Variants in VTI1A observed in about 807,000 individuals in gnomAD.
VTI1A encodes vesicle transport through interaction with t-SNAREs homolog 1A.
A neutral mutation model predicts 34.9 loss-of-function variants in VTI1A; 22 were observed. The ratio of observed to expected loss-of-function variants is 0.63; its 90% CI spans 0.45 to 0.90. VTI1A has a LOEUF of 0.90. Among genes scored for constraint, VTI1A ranks in the 40% least tolerant of loss-of-function variants. VTI1A has a pLI of 0.00. For synonymous variants in VTI1A, 87 were observed against 97.3 expected (o/e 0.89, Z 0.62); for missense variants, 268 against 275.6 (o/e 0.97, Z 0.20).
intron 3 of VTI1A, among the ~76,000 whole-genome samples, chr10:112,498,751 T>G (rs966519966): frequency 5.3e-4 from 80 of 152,344 alleles, no homozygotes; most frequent in South Asian, 2.7e-3. Flanking sequence ...ACCATTTTTT[T>G]TTTGTTTGTT....
downstream of VTI1A, among the ~76,000 whole-genome samples, chr10:112,821,395 C>T (rs1564939770): frequency 6.6e-6 from 1 of 152,318 alleles, no homozygotes; most frequent in Non-Finnish European, 1.5e-5. Flanking sequence ...AGCCCAGGCC[C>T]TCTCCAGCTC....
Position 112,499,966 on chromosome 10 carries a change from C to A in VTI1A, c.265-27121C>A, listed in dbSNP as rs141434318. Among the ~76,000 whole-genome samples, 15 of 152,300 alleles carry A rather than the reference C, an allele frequency of 9.8e-5. No individual in the cohort carries two copies. In the East Asian group the frequency reaches 2.3e-3, roughly 23 times the overall value. On this transcript the variant is annotated intron_variant, in intron 3 of 7. Coordinates refer to ENST00000393077, the MANE Select transcript of VTI1A (RefSeq NM_145206.4). ...TCTGTCTTCAGTCAAGTCCTCCTGT[C>A]TGTTTTCCACTTTGAGTTGAGAGGA...
At chr10:112,733,470 G>A (rs1850341448) in intron 7 of VTI1A, among the ~76,000 whole-genome samples, 1 of 152,068 alleles carries the variant, frequency 6.6e-6, no homozygotes, top group African/African-American at 2.4e-5. Context: ...GTGACCTTTT[G>A]TGACTGGCTT....
At chr10:112,656,330 C>A (rs1037477914) in intron 5 of VTI1A, among the ~76,000 whole-genome samples, 2 of 150,424 alleles carry the variant, frequency 1.3e-5, no homozygotes, top group African/African-American at 4.9e-5. Flanking sequence ...GAAGAAATAA[C>A]ATTTTGTTGA....
At position 112,785,885 on chromosome 10, in the gene VTI1A, A is replaced by C. The variant is rs143951111; in HGVS notation, c.561-29405A>C. Reference sequence around the variant, plus strand: ...TTACAGTAGCTTCATAGTAAGTTTGAAGTCAGGTGGTATAAGTCTTCCAAC... The same window carrying C: ...TTACAGTAGCTTCATAGTAAGTTTGCAGTCAGGTGGTATAAGTCTTCCAAC... On this transcript the variant is annotated intron_variant, in intron 7 of 7. Transcript: ENST00000393077. Among the ~76,000 whole-genome samples the C allele has an allele frequency of 3.5e-3, 529 of 152,300 alleles. 3 individuals are homozygous for C. Among genetic ancestry groups the C allele is most frequent in the African/African-American group, 0.012 (490 of 41,560 alleles).
chr10:112,723,375 G>A (rs1267115891), intron 7 of VTI1A, among the ~76,000 whole-genome samples: 2 of 152,186 alleles, frequency 1.3e-5, no homozygotes, highest in Admixed American at 6.5e-5. Flanking sequence ...CCGATGAAGT[G>A]GAATGTTTTG....
chr10:112,842,303 C>T, the VTI1A span, among the ~76,000 whole-genome samples: 1 of 152,160 alleles, frequency 6.6e-6, no homozygotes, highest in Non-Finnish European at 1.5e-5. Flanking sequence ...CTGCTTCCCC[C>T]ATCCTGGGGA....
intron 7 of VTI1A, among the ~76,000 whole-genome samples, chr10:112,807,326 C>T (rs778251570): frequency 6.6e-5 from 10 of 152,136 alleles, no homozygotes; most frequent in Non-Finnish European, 1.2e-4. Context: ...CTCATAGTTG[C>T]GAAGACTAGA....
intron 2 of VTI1A, among the ~76,000 whole-genome samples, chr10:112,460,818 G>A (rs989421567): frequency 1.3e-5 from 2 of 152,046 alleles, no homozygotes; most frequent in Non-Finnish European, 1.5e-5. Context: ...ATCATAATAC[G>A]TTTCATAACA....
At chr10:112,627,952 G>A (rs1845985857) in intron 5 of VTI1A, among the ~76,000 whole-genome samples, 1 of 152,186 alleles carries the variant, frequency 6.6e-6, no homozygotes, top group South Asian at 2.1e-4. Context: ...GGGATATTTA[G>A]GCAGAGAACA....
intron 3 of VTI1A, among the ~76,000 whole-genome samples, chr10:112,475,832 T>G (rs1848257747): frequency 6.6e-6 from 1 of 152,182 alleles, no homozygotes; most frequent in Non-Finnish European, 1.5e-5. Flanking sequence ...AGAGTGCCAT[T>G]TTTTAAAAAA....
intron 7 of VTI1A, among the ~76,000 whole-genome samples, chr10:112,770,350 A>G (rs555355528): frequency 1.3e-5 from 2 of 152,248 alleles, no homozygotes; most frequent in South Asian, 4.2e-4. Flanking sequence ...TTTGGCTGAA[A>G]GATGCAGCCT....
At chr10:112,502,044 T>C (rs1589836072) in intron 3 of VTI1A, among the ~76,000 whole-genome samples, 1 of 133,958 alleles carries the variant, frequency 7.5e-6, no homozygotes, top group South Asian at 2.6e-4. Context: ...TTTTTTTTTT[T>C]GGAGACAGGG....
intron 3 of VTI1A, 39 bp from the exon 4 acceptor site, chr10:112,527,048 C>T (rs764633455): frequency 1.6e-5 from 25 of 1,598,972 alleles, no homozygotes; most frequent in Admixed American, 8.4e-5. Context: ...TACTTTCTAA[C>T]GTTCCTCTCA....
chr10:112,659,201 T>TA (rs573397041), intron 5 of VTI1A, among the ~76,000 whole-genome samples: 49 of 152,314 alleles, frequency 3.2e-4, no homozygotes, highest in Non-Finnish European at 6.0e-4. Flanking sequence ...GTTAAGTAAA[T>TA]ACGTGTTTGG....
At chr10:112,599,732 A>T (rs1263667541) in intron 5 of VTI1A, among the ~76,000 whole-genome samples, 2 of 152,026 alleles carry the variant, frequency 1.3e-5, no homozygotes, top group African/African-American at 4.8e-5. Flanking sequence ...GGCACATACC[A>T]TTCCGTCCAG....
the VTI1A span, among the ~76,000 whole-genome samples, chr10:112,842,050 C>CTTTTTTTTTTTTTTTTTTTTTTTT: frequency 2.1e-5 from 2 of 93,166 alleles, no homozygotes; most frequent in African/African-American, 4.8e-5. Context: ...TTTTTTTTTT[C>CTTTTTTTTTTTTTTTTTTTTTTTT]CTTTTTTTTT....
intron 5 of VTI1A, among the ~76,000 whole-genome samples, chr10:112,654,760 C>T (rs1014643371): frequency 2.0e-5 from 3 of 152,152 alleles, no homozygotes; most frequent in African/African-American, 4.8e-5. Context: ...GGATTACAGG[C>T]GTGAGCCACC....
chr10:112,570,986 C>T (rs1852096483), intron 5 of VTI1A, among the ~76,000 whole-genome samples: 1 of 152,236 alleles, frequency 6.6e-6, no homozygotes, highest in Non-Finnish European at 1.5e-5. Context: ...ATGAGGAAAT[C>T]AGCAACCATT....
Sources: allele counts gnomAD v4.1 joint callset (sites outside exome capture counted in the v4.1 genomes callset), GRCh38; gene constraint gnomAD v4.1.1; transcripts MANE v1.5; gene names NCBI Gene and HGNC (gene_info 2026-07-23, HGNC 2026-07-21).